LMX1A: variants seen among roughly 807,000 people sequenced by gnomAD.
LMX1A encodes the protein LIM homeobox transcription factor 1 alpha.
LMX1A carries 15 observed loss-of-function variants against 49.1 expected under a neutral mutation model. That is an observed-to-expected ratio of 0.31 (90% CI 0.20 to 0.47). The LOEUF is 0.47. LMX1A is among the 20% of genes least tolerant of loss of function. The probability of loss-of-function intolerance (pLI) is 1.00; values close to 1 mark genes in which losing one functional copy is unlikely to be tolerated. For missense variants in LMX1A, 372 were observed against 475.8 expected, an observed-to-expected ratio of 0.78 and a Z score of 2.03; for synonymous variants, 167 against 185.7, an observed-to-expected ratio of 0.90 and a Z score of 0.82.
intron 4 of LMX1A, among the ~76,000 whole-genome samples, chr1:165,242,799 G>A (rs1048484213): frequency 7.3e-5 from 11 of 151,598 alleles, no homozygotes; most frequent in African/African-American, 1.7e-4. Context: ...ACATTTAGGC[G>A]GGTGCCTATA....
At chr1:165,333,637 A>G (rs1339624981) in intron 3 of LMX1A, among the ~76,000 whole-genome samples, 1 of 152,192 alleles carries the variant, frequency 6.6e-6, no homozygotes, top group African/African-American at 2.4e-5. Flanking sequence ...TCTCTAAATG[A>G]TAAAAATCAT....
chr1:165,345,472 C>T (rs1184155243), intron 3 of LMX1A, among the ~76,000 whole-genome samples: 1 of 152,220 alleles, frequency 6.6e-6, no homozygotes, highest in Non-Finnish European at 1.5e-5. Context: ...AAATGACTCT[C>T]CTGGTTTATT....
chr1:165,253,943 T>C (rs765121697), intron 3 of LMX1A, among the ~76,000 whole-genome samples: 5 of 152,132 alleles, frequency 3.3e-5, no homozygotes, highest in African/African-American at 4.8e-5. Flanking sequence ...GATGCTGTCA[T>C]TGGGCAGAAA....
At chr1:165,309,833 CAG>C (rs905331968) in intron 3 of LMX1A, among the ~76,000 whole-genome samples, 2 of 152,110 alleles carry the variant, frequency 1.3e-5, no homozygotes, top group South Asian at 2.1e-4. Context: ...TGTAAGGTGC[CAG>C]AGAGAGGATG....
chr1:165,271,502 AGT>A (rs1369268575), intron 3 of LMX1A, among the ~76,000 whole-genome samples: 7 of 152,226 alleles, frequency 4.6e-5, no homozygotes, highest in Non-Finnish European at 7.3e-5. Flanking sequence ...AAACTCATAT[AGT>A]TCACCTGGGA....
intron 3 of LMX1A, among the ~76,000 whole-genome samples, chr1:165,279,908 C>T (rs989701478): frequency 1.3e-5 from 2 of 151,844 alleles, no homozygotes; most frequent in Non-Finnish European, 2.9e-5. Context: ...GGCAAGTGCT[C>T]GTTTTACTGC....
intron 3 of LMX1A, among the ~76,000 whole-genome samples, chr1:165,273,841 G>A (rs1653879954): frequency 6.6e-6 from 1 of 152,176 alleles, no homozygotes; most frequent in Non-Finnish European, 1.5e-5. Context: ...TTTAATGAAG[G>A]CCAACTACAA....
chr1:165,321,855 A>G (rs35315440), intron 3 of LMX1A, among the ~76,000 whole-genome samples: 13,630 of 152,274 alleles, frequency 0.09, 720 homozygotes, highest in South Asian at 0.2. Flanking sequence ...TGCAAATCAT[A>G]TAACATATAC....
intron 3 of LMX1A, among the ~76,000 whole-genome samples, chr1:165,264,077 T>C (rs1571188240): frequency 6.6e-6 from 1 of 151,902 alleles, no homozygotes; most frequent in South Asian, 2.1e-4. Context: ...CCAGGATGAG[T>C]CTAACCCAGG....
chr1:165,239,626 T>G (rs1652574789), intron 4 of LMX1A, among the ~76,000 whole-genome samples: 1 of 152,226 alleles, frequency 6.6e-6, no homozygotes, highest in African/African-American at 2.4e-5. Context: ...TCTGTTGATT[T>G]TGAAAACAAT....
chr1:165,261,159 T>C (rs1653427375), intron 3 of LMX1A, among the ~76,000 whole-genome samples: 1 of 152,212 alleles, frequency 6.6e-6, no homozygotes, highest in Non-Finnish European at 1.5e-5. Flanking sequence ...CCTTTCATGT[T>C]AGACTTCAGA....
Position 165,349,702 on chromosome 1 carries a change from C to T in LMX1A, c.263+3374G>A, listed in dbSNP as rs116476752. ...AATACTTAATAAAACGTCCCGAAGTCTTCCGATGCATAGTTGTGTGTGCAA... is the reference window on the plus strand; with the variant it reads ...AATACTTAATAAAACGTCCCGAAGTTTTCCGATGCATAGTTGTGTGTGCAA... On this transcript the variant is annotated intron_variant, in intron 3 of 8. Transcript: ENST00000342310. 3.3e-3 allele frequency among the ~76,000 whole-genome samples: 499 copies of T among 152,256 alleles called. 7 individuals carry two copies. Among genetic ancestry groups the T allele is most frequent in the African/African-American group, 0.012 (479 of 41,528 alleles).
intron 3 of LMX1A, among the ~76,000 whole-genome samples, chr1:165,304,618 T>C (rs1350359146): frequency 2.0e-5 from 3 of 152,068 alleles, no homozygotes; most frequent in Non-Finnish European, 4.4e-5. Flanking sequence ...AATCTTACCA[T>C]GTCATTCCCC....
Position 165,249,618 on chromosome 1 carries a change from C to T in LMX1A, c.286G>A (p.Gly96Ser), listed in dbSNP as rs375082642. The T allele has an allele frequency of 7.4e-6, 12 of 1,613,966 alleles. No homozygotes were observed. The highest frequency in any genetic ancestry group is 2.7e-5 in the African/African-American group (2 of 74,942). Residue 96 changes from glycine to serine, a missense_variant, in exon 4 of 9, where the codon GGC becomes AGC. This residue lies in a region of LMX1A where 199 missense variants were observed against 244.0 expected (regional missense o/e 0.82). Coordinates refer to ENST00000342310, the MANE Select transcript of LMX1A (RefSeq NM_177398.4). Reference protein sequence around the residue: ...YEKLFAVKCGGCFEAIAPNEF... With the variant: ...YEKLFAVKCGSCFEAIAPNEF... Reference sequence around the variant, plus strand: ...TTGGGAGCGATGGCCTCGAAGCAGCCCCCACATTTAACAGCAAACAGCCTG... The same window carrying T: ...TTGGGAGCGATGGCCTCGAAGCAGCTCCCACATTTAACAGCAAACAGCCTG...
intron 3 of LMX1A, among the ~76,000 whole-genome samples, chr1:165,250,784 A>G (rs1653028752): frequency 1.3e-5 from 2 of 152,194 alleles, no homozygotes; most frequent in South Asian, 2.1e-4. Context: ...ACTAACCTGC[A>G]GGGAGTGAGC....
At chr1:165,300,797 C>T (rs151313904) in intron 3 of LMX1A, among the ~76,000 whole-genome samples, 224 of 152,270 alleles carry the variant, frequency 1.5e-3, no homozygotes, top group African/African-American at 4.8e-3. Flanking sequence ...GTAGAAATGC[C>T]GAGAACTCTC....
At position 165,203,761 on chromosome 1, in the gene LMX1A, C is replaced by T. The variant is rs1236214291; in HGVS notation, c.*119G>A. On this transcript the variant is annotated 3_prime_UTR_variant, in exon 9 of 9. Coordinates refer to ENST00000342310, the MANE Select transcript of LMX1A (RefSeq NM_177398.4). ...CCATATCATTATACAACAGCATCCC[C>T]AACAAAACTCCCTCCCCAACCCACC... 1 of 818,002 alleles carries T rather than the reference C, an allele frequency of 1.2e-6. No homozygotes were observed. The highest frequency in any genetic ancestry group is 2.0e-6 in the Non-Finnish European group (1 of 500,194). 50.7% of individuals were successfully genotyped at this position (818,002 alleles called of 1,614,324 possible). A position where few individuals can be genotyped will look rare whatever the true frequency, so the allele number is the denominator to read the frequency against.
At chr1:165,246,522 C>A (rs1440446386) in intron 4 of LMX1A, among the ~76,000 whole-genome samples, 1 of 152,298 alleles carries the variant, frequency 6.6e-6, no homozygotes, top group South Asian at 2.1e-4. Flanking sequence ...AGTAGTTTTA[C>A]TCTTTGTTAG....
At chr1:165,215,780 A>T (rs1651620756) in intron 4 of LMX1A, among the ~76,000 whole-genome samples, 1 of 152,232 alleles carries the variant, frequency 6.6e-6, no homozygotes, top group Non-Finnish European at 1.5e-5. Flanking sequence ...TGATACAGGC[A>T]GACCTAGGTT....
Sources: allele counts gnomAD v4.1 joint callset (sites outside exome capture counted in the v4.1 genomes callset), GRCh38; gene constraint gnomAD v4.1.1; regional missense constraint gnomAD v4.1.1; transcripts MANE v1.5; gene names NCBI Gene and HGNC (gene_info 2026-07-23, HGNC 2026-07-21).